NPAS2: variants seen among roughly 807,000 people sequenced by gnomAD.
NPAS2 encodes the protein neuronal PAS domain protein 2.
A neutral mutation model predicts 107.5 loss-of-function variants in NPAS2; 23 were observed. The observed-to-expected ratio is 0.21, with a 90% CI of 0.15 to 0.30. The LOEUF is 0.30. NPAS2 is among the 10% of genes least tolerant of loss of function. The probability of loss-of-function intolerance (pLI) is 1.00; values close to 1 mark genes in which losing one functional copy is unlikely to be tolerated. For synonymous variants in NPAS2, 403 were observed against 417.5 expected, an observed-to-expected ratio of 0.97 and a Z score of 0.42; for missense variants, 756 against 1,043.3, an observed-to-expected ratio of 0.72 and a Z score of 3.79.
At chr2:100,973,704 G>A (rs530137742) in intron 12 of NPAS2, among the ~76,000 whole-genome samples, 1 of 152,320 alleles carries the variant, frequency 6.6e-6, no homozygotes, top group South Asian at 2.1e-4. Flanking sequence ...AAGGCCATGG[G>A]ACACAGACCA....
intron 2 of NPAS2, among the ~76,000 whole-genome samples, chr2:100,909,386 G>A (rs1682382430): frequency 6.6e-6 from 1 of 152,206 alleles, no homozygotes; most frequent in African/African-American, 2.4e-5. Context: ...GCTCTTTCAG[G>A]GAGAGTAATG....
intron 15 of NPAS2, among the ~76,000 whole-genome samples, chr2:100,980,647 T>C (rs1292289080): frequency 1.3e-5 from 2 of 152,030 alleles, no homozygotes; most frequent in Non-Finnish European, 2.9e-5. Flanking sequence ...TTTTTGTATT[T>C]TTTAGTGGAG....
At chr2:100,942,979 C>T (rs1320743197) in intron 5 of NPAS2, among the ~76,000 whole-genome samples, 2 of 152,176 alleles carry the variant, frequency 1.3e-5, no homozygotes, top group African/African-American at 4.8e-5. Flanking sequence ...TTCCTGCATT[C>T]ATCCCAGTTA....
intron 4 of NPAS2, chr2:100,934,712 G>C (rs1684189115): frequency 1.2e-6 from 1 of 848,118 alleles, no homozygotes; most frequent in African/African-American, 1.8e-5. Flanking sequence ...AGTGACTGGA[G>C]CCTTCTAGCA....
At chr2:100,885,049 C>T (rs1680609171) in intron 1 of NPAS2, among the ~76,000 whole-genome samples, 1 of 151,832 alleles carries the variant, frequency 6.6e-6, no homozygotes, top group Non-Finnish European at 1.5e-5. Context: ...TCTGGGTTCA[C>T]GCCATTCTCC....
intron 3 of NPAS2, among the ~76,000 whole-genome samples, chr2:100,926,859 A>C (rs573430097): frequency 6.6e-6 from 1 of 152,046 alleles, no homozygotes; most frequent in African/African-American, 2.4e-5. Flanking sequence ...TATCTAAGAA[A>C]TCATTGCCTA....
At chr2:100,898,797 AAAAC>A (rs1045367541) in intron 1 of NPAS2, among the ~76,000 whole-genome samples, 4 of 152,052 alleles carry the variant, frequency 2.6e-5, no homozygotes, top group African/African-American at 4.8e-5. Context: ...AAAAAAAAAA[AAAAC>A]AAACCTGAAA....
intron 2 of NPAS2, among the ~76,000 whole-genome samples, chr2:100,915,525 G>T (rs1216515160): frequency 1.3e-5 from 2 of 152,154 alleles, no homozygotes; most frequent in African/African-American, 4.8e-5. Context: ...AGACCCTCAG[G>T]TCTGAACTTC....
intron 14 of NPAS2, among the ~76,000 whole-genome samples, chr2:100,977,401 C>T (rs921637280): frequency 2.0e-5 from 3 of 152,184 alleles, no homozygotes; most frequent in African/African-American, 7.2e-5. Flanking sequence ...CCACCCAGGG[C>T]GGAGTCCAGG....
chr2:100,884,167 T>C (rs1321612777), intron 1 of NPAS2, among the ~76,000 whole-genome samples: 3 of 152,212 alleles, frequency 2.0e-5, no homozygotes, highest in African/African-American at 7.2e-5. Context: ...TGCAAGCTGC[T>C]TGCTTTTGTG....
intron 1 of NPAS2, among the ~76,000 whole-genome samples, chr2:100,828,162 AT>A (rs567276206): frequency 1.1e-3 from 161 of 152,208 alleles, no homozygotes; most frequent in Non-Finnish European, 5.4e-4. Context: ...TTATCTGATG[AT>A]TAGTGATATG....
At chr2:100,957,350 A>G (rs1420288517) in intron 7 of NPAS2, among the ~76,000 whole-genome samples, 1 of 152,230 alleles carries the variant, frequency 6.6e-6, no homozygotes, top group East Asian at 1.9e-4. Flanking sequence ...AGCCAGCAGC[A>G]CTGGCATGGA....
intron 1 of NPAS2, among the ~76,000 whole-genome samples, chr2:100,850,285 A>G (rs975780581): frequency 6.6e-6 from 1 of 152,192 alleles, no homozygotes. Context: ...CTGGCCCAAG[A>G]ATAGGTTGCA....
At chr2:100,930,447 A>G (rs1006037998) in intron 3 of NPAS2, among the ~76,000 whole-genome samples, 2 of 152,204 alleles carry the variant, frequency 1.3e-5, no homozygotes, top group Non-Finnish European at 2.9e-5. Context: ...AATGGGTACA[A>G]GTGATATCAG....
At chr2:100,970,654 C>T (rs1415529410) in intron 11 of NPAS2, 2 of 208,114 alleles carry the variant, frequency 9.6e-6, no homozygotes, top group African/African-American at 4.6e-5. Context: ...TATTTAAAGG[C>T]AGAAGCTTAT....
intron 16 of NPAS2, chr2:100,985,781 A>AT (rs1371522713): frequency 6.6e-6 from 1 of 151,942 alleles, no homozygotes. Context: ...TAATGTCACT[A>AT]TTTTTTACTA....
At chr2:100,902,746 A>G (rs1279946116) in intron 1 of NPAS2, among the ~76,000 whole-genome samples, 1 of 152,242 alleles carries the variant, frequency 6.6e-6, no homozygotes, top group African/African-American at 2.4e-5. Context: ...AAGTGAAAAA[A>G]TAACATGGTA....
At chr2:100,851,528 T>C (rs974923630) in intron 1 of NPAS2, among the ~76,000 whole-genome samples, 1 of 152,180 alleles carries the variant, frequency 6.6e-6, no homozygotes, top group Non-Finnish European at 1.5e-5. Flanking sequence ...GCGTTGTTCA[T>C]GTTAGCAAAA....
intron 1 of NPAS2, among the ~76,000 whole-genome samples, chr2:100,822,261 T>G (rs1676115808): frequency 6.6e-6 from 1 of 152,206 alleles, no homozygotes; most frequent in African/African-American, 2.4e-5. Context: ...CAAGTGAGGC[T>G]TTACTAATTA....
Sources: allele counts gnomAD v4.1 joint callset (sites outside exome capture counted in the v4.1 genomes callset), GRCh38; gene constraint gnomAD v4.1.1; transcripts MANE v1.5; gene names NCBI Gene and HGNC (gene_info 2026-07-23, HGNC 2026-07-21).